FOXJ3: variants seen among roughly 807,000 people sequenced by gnomAD.
The protein encoded by FOXJ3 is forkhead box J3, also known as forkhead box protein J3.
In FOXJ3, 22 loss-of-function variants were observed where a neutral mutation model predicts 76.1. That is an observed-to-expected ratio of 0.29 (90% CI 0.21 to 0.41). The LOEUF (loss-of-function observed/expected upper bound fraction) is 0.41. Ranked by LOEUF, FOXJ3 falls within the 10% of genes least tolerant of loss-of-function variation. The pLI is 1.00. For missense variants in FOXJ3, 613 were observed against 762.1 expected (o/e 0.80, Z 2.30); for synonymous variants, 269 against 261.2 (o/e 1.03, Z -0.29).
intron 4 of FOXJ3, among the ~76,000 whole-genome samples, chr1:42,251,430 A>T (rs2124568215): frequency 6.6e-6 from 1 of 152,326 alleles, no homozygotes; most frequent in South Asian, 2.1e-4. Context: ...TGTTGCCTGC[A>T]AACCTACACT....
intron 8 of FOXJ3, among the ~76,000 whole-genome samples, chr1:42,194,685 G>A (rs571329): frequency 0.24 from 36,376 of 152,014 alleles, 4,407 homozygotes; most frequent in South Asian, 0.34. Context: ...AAGTAAGTAG[G>A]CATGCAACAT....
chr1:42,262,340 T>C (rs1249995978), intron 4 of FOXJ3, among the ~76,000 whole-genome samples: 1 of 152,234 alleles, frequency 6.6e-6, no homozygotes, highest in Non-Finnish European at 1.5e-5. Flanking sequence ...GAGCAAGCTG[T>C]TCCTCATCTA....
At chr1:42,334,186 AAAG>A (rs1656323947) in intron 1 of FOXJ3, 1 of 906,206 alleles carries the variant, frequency 1.1e-6, no homozygotes, top group South Asian at 5.1e-5. Flanking sequence ...GCAACAGAGA[AAAG>A]AATAAGAGCA....
chr1:42,198,265 CAAT>C (rs1276689710), intron 7 of FOXJ3, among the ~76,000 whole-genome samples: 1 of 151,944 alleles, frequency 6.6e-6, no homozygotes, highest in Non-Finnish European at 1.5e-5. Context: ...TTTTACAGAG[CAAT>C]AATAATTTTG....
chr1:42,193,399 CT>C (rs542481846), intron 8 of FOXJ3, among the ~76,000 whole-genome samples: 1,512 of 132,080 alleles, frequency 0.011, 8 homozygotes, highest in African/African-American at 0.024. Flanking sequence ...ATCGATGTTC[CT>C]TTTTTTTTTT....
chr1:42,293,726 A>C (rs116791980), intron 2 of FOXJ3, among the ~76,000 whole-genome samples: 1,731 of 152,270 alleles, frequency 0.011, 38 homozygotes, highest in African/African-American at 0.04. Context: ...TCTTTTTCTC[A>C]GCCTCTATTT....
At chr1:42,228,870 A>G (rs544544765) in intron 4 of FOXJ3, among the ~76,000 whole-genome samples, 6 of 152,284 alleles carry the variant, frequency 3.9e-5, no homozygotes, top group Non-Finnish European at 8.8e-5. Context: ...TGTATATCCT[A>G]GTTTTACAAT....
At chr1:42,186,101 T>C (rs1646429490) in intron 11 of FOXJ3, among the ~76,000 whole-genome samples, 1 of 152,050 alleles carries the variant, frequency 6.6e-6, no homozygotes, top group African/African-American at 2.4e-5. Flanking sequence ...TAAGAAATTA[T>C]GACAAAGAAT....
At chr1:42,330,085 C>T (rs932176360) in intron 1 of FOXJ3, among the ~76,000 whole-genome samples, 1 of 151,870 alleles carries the variant, frequency 6.6e-6, no homozygotes, top group African/African-American at 2.4e-5. Flanking sequence ...ATAAAATCTA[C>T]GATATATTTA....
intron 6 of FOXJ3, among the ~76,000 whole-genome samples, chr1:42,204,600 G>A (rs549379379): frequency 6.6e-6 from 1 of 152,106 alleles, no homozygotes; most frequent in East Asian, 1.9e-4. Flanking sequence ...GTCACCATTA[G>A]AGATCATTTT....
chr1:42,290,716 A>G (rs1024898879), intron 2 of FOXJ3, among the ~76,000 whole-genome samples: 2 of 152,114 alleles, frequency 1.3e-5, no homozygotes, highest in African/African-American at 4.8e-5. Flanking sequence ...CTTCTTATGA[A>G]GTACAGCAAT....
chr1:42,188,660 C>T, intron 11 of FOXJ3, 77 bp downstream of exon 11: 2 of 938,626 alleles, frequency 2.1e-6, no homozygotes, highest in South Asian at 2.8e-5. Context: ...AGCAGCAAAC[C>T]AAGTTGGTTA....
chr1:42,204,463 T>C (rs921415446), intron 6 of FOXJ3, among the ~76,000 whole-genome samples: 8 of 152,288 alleles, frequency 5.3e-5, no homozygotes, highest in African/African-American at 9.6e-5. Flanking sequence ...TACTTCCTAA[T>C]TGTTTCCTAG....
chr1:42,303,908 G>A (rs973395255), intron 2 of FOXJ3, among the ~76,000 whole-genome samples: 2 of 152,044 alleles, frequency 1.3e-5, no homozygotes, highest in African/African-American at 2.4e-5. Flanking sequence ...CCAAATTAAC[G>A]GAAGTCCTAG....
chr1:42,280,455 A>AC (rs1652620560), intron 2 of FOXJ3: 1 of 964,346 alleles, frequency 1.0e-6, no homozygotes. Flanking sequence ...AAAAAAAAAA[A>AC]AAAAAAAAAA....
chr1:42,181,938 T>A lies in FOXJ3; in HGVS notation c.1732A>T (p.Thr578Ser). Reference sequence around the variant, plus strand: ...TTACCTGCCATCGTTGTTCCTGGAGTGCTGAGTGCCTGTGGGATATGAGGA... The same window carrying A: ...TTACCTGCCATCGTTGTTCCTGGAGAGCTGAGTGCCTGTGGGATATGAGGA... Reference protein sequence around the residue: ...GYPHIPQALSTPGTTMAGHHR... With the variant: ...GYPHIPQALSSPGTTMAGHHR... Residue 578 changes from threonine to serine, a missense_variant, in exon 12 of 13, where the codon ACT (threonine) becomes TCT (serine). This residue lies in a region of FOXJ3 where 526 missense variants were observed against 601.4 expected (regional missense o/e 0.87). Transcript: ENST00000361346. 1 of 1,610,554 alleles carries A rather than the reference T, an allele frequency of 6.2e-7. No homozygotes were observed. Among genetic ancestry groups the A allele is most frequent in the Non-Finnish European group, 8.5e-7 (1 of 1,177,604 alleles).
At chr1:42,261,253 G>C (rs1004026418) in intron 4 of FOXJ3, among the ~76,000 whole-genome samples, 3 of 150,822 alleles carry the variant, frequency 2.0e-5, no homozygotes, top group African/African-American at 4.9e-5. Context: ...GAAAAGAGAA[G>C]AGACAAAAGA....
intron 4 of FOXJ3, among the ~76,000 whole-genome samples, chr1:42,255,850 G>A (rs530657363): frequency 5.3e-5 from 8 of 152,086 alleles, no homozygotes; most frequent in South Asian, 2.1e-4. Flanking sequence ...GTGAAACCCC[G>A]TCTCTACTAA....
chr1:42,334,879 C>G (rs1481600854), intron 1 of FOXJ3, 180 bp downstream of exon 1: 1 of 152,212 alleles, frequency 6.6e-6, no homozygotes, highest in African/African-American at 2.4e-5. Flanking sequence ...CGGCGTCCGC[C>G]AGGCCCCAGC....
Sources: allele counts gnomAD v4.1 joint callset (sites outside exome capture counted in the v4.1 genomes callset), GRCh38; gene constraint gnomAD v4.1.1; regional missense constraint gnomAD v4.1.1; transcripts MANE v1.5; gene names NCBI Gene and HGNC (gene_info 2026-07-23, HGNC 2026-07-21).